The following AUTS2 variants were observed in gnomAD, a reference collection of about 807,000 sequenced individuals.
The protein encoded by AUTS2 is autism susceptibility gene 2 protein.
In AUTS2, 17 loss-of-function variants were observed where a neutral mutation model predicts 112.4. The observed-to-expected ratio is 0.15, with a 90% CI of 0.10 to 0.23. The LOEUF is 0.23. Among genes scored for constraint, AUTS2 ranks in the 10% least tolerant of loss-of-function variants. AUTS2 has a pLI of 1.00. For missense variants in AUTS2, 1,510 were observed against 1,701.6 expected, an observed-to-expected ratio of 0.89 and a Z score of 1.98; for synonymous variants, 751 against 702.7, an observed-to-expected ratio of 1.07 and a Z score of -1.09.
At chr7:70,072,439 A>G (rs1054271145) in intron 2 of AUTS2, among the ~76,000 whole-genome samples, 1 of 152,214 alleles carries the variant, frequency 6.6e-6, no homozygotes, top group Non-Finnish European at 1.5e-5. Flanking sequence ...CCACTTCATG[A>G]CAGATGGGTT....
chr7:69,959,122 C>T (rs1026314350), intron 2 of AUTS2, among the ~76,000 whole-genome samples: 2 of 152,142 alleles, frequency 1.3e-5, no homozygotes, highest in South Asian at 2.1e-4. Flanking sequence ...AAGAACAGCA[C>T]CTATTATGGC....
chr7:70,413,994 C>T (rs186945563), intron 4 of AUTS2, among the ~76,000 whole-genome samples: 1 of 152,206 alleles, frequency 6.6e-6, no homozygotes, highest in East Asian at 1.9e-4. Context: ...ACACTTTTTG[C>T]TTACACACTG....
intron 4 of AUTS2, among the ~76,000 whole-genome samples, chr7:70,394,960 G>A (rs995496619): frequency 2.0e-5 from 3 of 152,096 alleles, no homozygotes; most frequent in Admixed American, 1.3e-4. Flanking sequence ...ACTAGTAAGT[G>A]AACACATACT....
At chr7:69,926,486 T>G (rs1239267135) in intron 2 of AUTS2, among the ~76,000 whole-genome samples, 2 of 149,252 alleles carry the variant, frequency 1.3e-5, no homozygotes, top group Admixed American at 6.7e-5. Context: ...TATCTATCTA[T>G]CTATCTGCCT....
At chr7:70,569,190 G>A (rs1801836244) in intron 5 of AUTS2, among the ~76,000 whole-genome samples, 1 of 152,152 alleles carries the variant, frequency 6.6e-6, no homozygotes, top group South Asian at 2.1e-4. Context: ...AGCACTGGCG[G>A]TCCCCATGGA....
intron 1 of AUTS2, among the ~76,000 whole-genome samples, chr7:69,772,721 A>G (rs1029768784): frequency 7.9e-5 from 12 of 152,204 alleles, no homozygotes; most frequent in African/African-American, 2.9e-4. Flanking sequence ...GGCATGAGTC[A>G]CTGTACCTGG....
chr7:69,768,808 G>A (rs978386235), intron 1 of AUTS2, among the ~76,000 whole-genome samples: 4 of 152,262 alleles, frequency 2.6e-5, no homozygotes, highest in African/African-American at 7.2e-5. Flanking sequence ...CAGAGAAGAC[G>A]GGCTCCTGCA....
intron 5 of AUTS2, among the ~76,000 whole-genome samples, chr7:70,498,843 C>A (rs1798661896): frequency 6.6e-6 from 1 of 152,130 alleles, no homozygotes; most frequent in African/African-American, 2.4e-5. Context: ...TGATTAGATT[C>A]AGCTAAATGC....
intron 4 of AUTS2, among the ~76,000 whole-genome samples, chr7:70,431,187 C>T (rs780384329): frequency 6.6e-6 from 1 of 151,990 alleles, no homozygotes; most frequent in East Asian, 1.9e-4. Context: ...ACTGATTAAA[C>T]TGAAATATTT....
intron 5 of AUTS2, among the ~76,000 whole-genome samples, chr7:70,486,357 A>G (rs1220818741): frequency 6.6e-6 from 1 of 152,240 alleles, no homozygotes; most frequent in African/African-American, 2.4e-5. Context: ...ACCTAGGGAC[A>G]TTGTGAAGAT....
At chr7:70,096,690 A>C (rs1804224397) in intron 2 of AUTS2, among the ~76,000 whole-genome samples, 1 of 151,690 alleles carries the variant, frequency 6.6e-6, no homozygotes, top group Non-Finnish European at 1.5e-5. Flanking sequence ...CATTATTATT[A>C]CATCAGATTT....
chr7:69,987,274 G>A (rs1326399399), intron 2 of AUTS2, among the ~76,000 whole-genome samples: 1 of 152,164 alleles, frequency 6.6e-6, no homozygotes, highest in East Asian at 1.9e-4. Context: ...GTAGATTAAA[G>A]ACATATGACA....
chr7:70,350,767 G>T (rs987090157), intron 4 of AUTS2, among the ~76,000 whole-genome samples: 2 of 151,932 alleles, frequency 1.3e-5, no homozygotes, highest in Non-Finnish European at 2.9e-5. Context: ...TACTCTCCTG[G>T]CAAATTTTCA....
intron 5 of AUTS2, among the ~76,000 whole-genome samples, chr7:70,551,517 G>A (rs1011361514): frequency 1.3e-5 from 2 of 152,078 alleles, no homozygotes; most frequent in Non-Finnish European, 2.9e-5. Flanking sequence ...TTTCAGTAGG[G>A]GGGCATTCCT....
At chr7:69,814,746 G>C (rs911351549) in intron 1 of AUTS2, among the ~76,000 whole-genome samples, 5 of 152,254 alleles carry the variant, frequency 3.3e-5, no homozygotes, top group African/African-American at 1.2e-4. Context: ...TGTGCCCAGC[G>C]GTATGGGCGA....
At chr7:69,937,762 G>A (rs914525116) in intron 2 of AUTS2, among the ~76,000 whole-genome samples, 1 of 152,184 alleles carries the variant, frequency 6.6e-6, no homozygotes, top group Non-Finnish European at 1.5e-5. Context: ...AGACCGTGAT[G>A]CCAGCTGTTA....
intron 2 of AUTS2, among the ~76,000 whole-genome samples, chr7:70,097,117 T>G (rs1460220079): frequency 6.6e-6 from 1 of 152,226 alleles, no homozygotes; most frequent in Non-Finnish European, 1.5e-5. Flanking sequence ...CAAATACTCA[T>G]GAATATGATA....
chr7:69,789,877 ACT>A (rs1789539780), intron 1 of AUTS2, among the ~76,000 whole-genome samples: 3 of 151,880 alleles, frequency 2.0e-5, no homozygotes, highest in Non-Finnish European at 4.4e-5. Flanking sequence ...TGGTTTCTGA[ACT>A]CTCTGCCCCT....
At chr7:70,363,465 G>GAAAAAAAAAAAAA (rs369462886) in intron 4 of AUTS2, among the ~76,000 whole-genome samples, 6 of 110,772 alleles carry the variant, frequency 5.4e-5, no homozygotes, top group Admixed American at 8.9e-5. Flanking sequence ...ATAAAAAAAA[G>GAAAAAAAAAAAAA]AAAAAAAAAA....
Sources: allele counts gnomAD v4.1 joint callset (sites outside exome capture counted in the v4.1 genomes callset), GRCh38; gene constraint gnomAD v4.1.1; transcripts MANE v1.5; gene names NCBI Gene and HGNC (gene_info 2026-07-23, HGNC 2026-07-21).